The following SEZ6 variants were observed in gnomAD, a reference collection of about 807,000 sequenced individuals.
SEZ6 encodes the protein seizure related 6 homolog, also known as seizure protein 6 homolog.
Under a neutral mutation model 101.0 loss-of-function variants are expected in SEZ6, and 53 were observed. The ratio of observed to expected loss-of-function variants is 0.52; its 90% CI spans 0.42 to 0.66. The LOEUF is 0.66. SEZ6 is among the 30% of genes least tolerant of loss of function. SEZ6 has a pLI of 0.00. For synonymous variants in SEZ6, 488 were observed against 512.2 expected (o/e 0.95, Z 0.64); for missense variants, 1,102 against 1,289.4 (o/e 0.85, Z 2.23).
rs1171293099 is a variant in SEZ6, at chr17:28,955,797, A to C, written c.*165T>G. ...ACCAAGAAAATAGGCCATGGTGGGC[A>C]TCGCAGGCGGGGAAGGGCACAACTT... On this transcript the variant is annotated 3_prime_UTR_variant, in exon 17 of 17. Coordinates refer to ENST00000317338, the MANE Select transcript of SEZ6 (RefSeq NM_178860.5). The C allele has an allele frequency of 1.2e-6, 1 of 809,584 alleles. No individual in the cohort carries two copies. The highest frequency in any genetic ancestry group is 2.0e-5 in the Admixed American group (1 of 49,926). The allele number at this position is 809,584 out of a possible 1,614,324, so 50.2% of individuals were successfully genotyped here. A position where few individuals can be genotyped will look rare whatever the true frequency, so the allele number is the denominator to read the frequency against.
chr17:28,976,748 A>G (rs1238262570), intron 3 of SEZ6, among the ~76,000 whole-genome samples: 1 of 152,194 alleles, frequency 6.6e-6, no homozygotes, highest in Non-Finnish European at 1.5e-5. Flanking sequence ...CCTACACAAC[A>G]AAGCCACCTT....
chr17:28,993,584 T>G (rs974366399), intron 1 of SEZ6, among the ~76,000 whole-genome samples: 2 of 152,158 alleles, frequency 1.3e-5, no homozygotes, highest in Non-Finnish European at 2.9e-5. Flanking sequence ...CTCTGCCCAG[T>G]GCAGTGGTGA....
At chr17:28,984,215 A>C (rs1331114944) in intron 1 of SEZ6, among the ~76,000 whole-genome samples, 1 of 152,094 alleles carries the variant, frequency 6.6e-6, no homozygotes, top group African/African-American at 2.4e-5. Flanking sequence ...TAAGTTACGG[A>C]AGGTCCAGGC....
chr17:28,957,417 A>G lies in SEZ6; in HGVS notation c.2425T>C (p.Ser809Pro). 1 of 1,613,732 alleles carries G rather than the reference A, an allele frequency of 6.2e-7. No homozygotes were observed. Among genetic ancestry groups the G allele is most frequent in the Non-Finnish European group, 8.5e-7 (1 of 1,179,716 alleles). Reference protein sequence around the residue: ...CDQGFVLMGSSILTCHDRQAG... With the variant: ...CDQGFVLMGSPILTCHDRQAG... ...TGGCGATCATGGCAGGTGAGGATGG[A>G]GCTGCCCATCAGCACAAAACCCTGG... is the stretch of plus-strand genomic sequence containing the variant. Residue 809 changes from serine (S) to proline (P), a missense_variant, in exon 12 of 17, where the codon TCC becomes CCC. By Grantham distance (74) the Ser-to-Pro change is moderately conservative. Coordinates refer to ENST00000317338, the MANE Select transcript of SEZ6 (RefSeq NM_178860.5).
chr17:28,997,358 G>A (rs1007002696), intron 1 of SEZ6, among the ~76,000 whole-genome samples: 1 of 152,168 alleles, frequency 6.6e-6, no homozygotes, highest in Non-Finnish European at 1.5e-5. Context: ...ATGACAAGAG[G>A]GGGCCTGCCA....
chr17:28,956,375 C>T lies in SEZ6; in HGVS notation c.2824G>A (p.Gly942Arg), dbSNP rs538739303. The T allele has an allele frequency of 6.4e-7, 1 of 1,573,092 alleles. No homozygotes were observed. Among genetic ancestry groups the T allele is most frequent in the African/African-American group, 1.3e-5 (1 of 74,150 alleles). Residue 942 changes from glycine (G) to arginine (R), a missense_variant, in exon 15 of 17, where the codon GGA (glycine) becomes AGA (arginine). Transcript: ENST00000317338. The part of the protein sequence containing the change: ...LPLVAMVLLV[G>R]GVYFYFSRLQ... ...CTGGAGAAGTAGAAGTATACACCTC[C>T]TACCAACAACACCATCGCCACCAGT...
At chr17:28,975,379 T>A (rs1423014404) in intron 3 of SEZ6, among the ~76,000 whole-genome samples, 1 of 152,120 alleles carries the variant, frequency 6.6e-6, no homozygotes, top group African/African-American at 2.4e-5. Flanking sequence ...GCCTGGTGCA[T>A]CATCTGGTTC....
At position 28,959,451 on chromosome 17, in the gene SEZ6, G is replaced by A; in HGVS notation, c.1793C>T (p.Thr598Ile). ...ACRAVCSGEI[T>I]DSAGVVLSPN... The stretch of plus-strand genomic sequence containing the variant: ...AGAGAGTACCACGCCAGCCGAGTCT[G>A]TGATCTCCCCGCTGCACACGGCTGG... The change falls in exon 9 of 17, where the codon ACA becomes ATA. Residue 598 changes from threonine (T) to isoleucine (I), a missense_variant. By Grantham distance (89) the Thr-to-Ile change is moderately conservative. Transcript: ENST00000317338. The surrounding 1 kb of genome is among the most constrained non-coding windows in gnomAD (Gnocchi z 4.4). The A allele has an allele frequency of 6.2e-7, 1 of 1,613,638 alleles. No homozygotes were observed. Among genetic ancestry groups the A allele is most frequent in the Non-Finnish European group, 8.5e-7 (1 of 1,179,884 alleles).
chr17:28,960,296 C>G (rs1176227217), intron 7 of SEZ6: 3 of 676,664 alleles, frequency 4.4e-6, no homozygotes, highest in Non-Finnish European at 7.4e-6. Flanking sequence ...GGCCTGGGTC[C>G]AGGCAGAGGT....
intron 3 of SEZ6, among the ~76,000 whole-genome samples, chr17:28,974,754 C>T (rs1256139847): frequency 3.3e-5 from 5 of 152,208 alleles, no homozygotes; most frequent in Non-Finnish European, 7.3e-5. Context: ...TGGATGTCCT[C>T]CAGAATCAGG....
Position 28,959,245 on chromosome 17 carries a change from A to G in SEZ6, c.1911-24T>C. 1 of 1,612,532 alleles carries G rather than the reference A, an allele frequency of 6.2e-7. No homozygotes were observed. Among genetic ancestry groups the G allele is most frequent in the Non-Finnish European group, 8.5e-7 (1 of 1,179,044 alleles). On this transcript the variant is annotated intron_variant, in intron 9 of 16. Coordinates refer to ENST00000317338, the MANE Select transcript of SEZ6 (RefSeq NM_178860.5). This position sits in a 1 kb window ranked among gnomAD's most constrained non-coding sequence, Gnocchi z 4.4. ...GCCTGTGAAGGAGGAGCGTCAGGGC[A>G]GAGCCGGCCTGGGGGCCCGAGGATG...
At chr17:28,957,797 C>A (rs1421717603) in intron 11 of SEZ6, 150 bp downstream of exon 11, 2 of 971,122 alleles carry the variant, frequency 2.1e-6, no homozygotes, top group Admixed American at 5.4e-5. Context: ...AAAGTATCAT[C>A]CCCATTTCAC....
chr17:28,997,889 G>A (rs1271083589), intron 1 of SEZ6, among the ~76,000 whole-genome samples: 4 of 152,112 alleles, frequency 2.6e-5, no homozygotes, highest in Non-Finnish European at 5.9e-5. Flanking sequence ...TTCCTCTTAT[G>A]TTCTTCCTTT....
chr17:28,974,548 G>A (rs1369913252), intron 3 of SEZ6, among the ~76,000 whole-genome samples: 2 of 152,192 alleles, frequency 1.3e-5, no homozygotes, highest in Non-Finnish European at 2.9e-5. Context: ...AATAAGGGAG[G>A]CAGGGCAGGC....
intron 1 of SEZ6, among the ~76,000 whole-genome samples, chr17:29,002,221 A>G (rs566106825): frequency 6.6e-6 from 1 of 152,070 alleles, no homozygotes; most frequent in Admixed American, 6.5e-5. Flanking sequence ...GGGCTAGGAT[A>G]GGTGGGGACA....
intron 1 of SEZ6, among the ~76,000 whole-genome samples, chr17:28,992,509 G>A (rs2041476440): frequency 1.3e-5 from 2 of 152,138 alleles, no homozygotes; most frequent in South Asian, 4.1e-4. Context: ...CCTGGGACCT[G>A]GCTTCAAGCA....
Position 28,969,971 on chromosome 17 carries a change from G to A in SEZ6, c.859-19C>T. The A allele has an allele frequency of 6.6e-7, 1 of 1,517,062 alleles. No individual in the cohort carries two copies. Among genetic ancestry groups the A allele is most frequent in the Non-Finnish European group, 8.7e-7 (1 of 1,146,322 alleles). 94.0% of individuals were successfully genotyped at this position (1,517,062 alleles called of 1,614,324 possible). A position where few individuals can be genotyped will look rare whatever the true frequency, so the allele number is the denominator to read the frequency against. ...TCTGGACCTGTCAGTAGAGTAGAGAGAGAAAAGCAAAGTAGTCAGACTTCT... is the reference window on the plus strand; with the variant it reads ...TCTGGACCTGTCAGTAGAGTAGAGAAAGAAAAGCAAAGTAGTCAGACTTCT... On this transcript the variant is annotated intron_variant, in intron 3 of 16. Coordinates refer to ENST00000317338, the MANE Select transcript of SEZ6 (RefSeq NM_178860.5).
intron 1 of SEZ6, 80 bp from the exon 2 acceptor site, chr17:28,982,119 C>G (rs544289675): frequency 2.7e-5 from 39 of 1,467,006 alleles, no homozygotes; most frequent in East Asian, 2.1e-4. Context: ...AGTGGGGGGG[C>G]CCGCTCTCTT....
At chr17:28,974,424 G>A (rs780512500) in intron 3 of SEZ6, among the ~76,000 whole-genome samples, 4 of 152,012 alleles carry the variant, frequency 2.6e-5, no homozygotes, top group Non-Finnish European at 4.4e-5. Context: ...CACCCTATTC[G>A]CATGCCCTCA....
Sources: gnomAD v4.1 joint callset for allele counts (sites outside exome capture counted in the v4.1 genomes callset) on GRCh38, gnomAD v4.1.1 for gene constraint, Gnocchi (gnomAD v3.1) non-coding constraint, MANE v1.5 for transcripts, NCBI Gene and HGNC (gene_info 2026-07-23, HGNC 2026-07-21) for gene names.